KIRREL3: variants seen among roughly 807,000 people sequenced by gnomAD.
KIRREL3 encodes the protein kin of IRRE-like protein 3.
Under a neutral mutation model 89.7 loss-of-function variants are expected in KIRREL3, and 36 were observed. The observed-to-expected ratio is 0.40, with a 90% confidence interval of 0.31 to 0.53. The LOEUF is 0.53. Among genes scored for constraint, KIRREL3 ranks in the 20% least tolerant of loss-of-function variants. KIRREL3 has a pLI of 0.49. For missense variants in KIRREL3, 864 were observed against 1,056.6 expected, an observed-to-expected ratio of 0.82 and a Z score of 2.53; for synonymous variants, 445 against 441.4, an observed-to-expected ratio of 1.01 and a Z score of -0.10.
In KIRREL3 at chr11:126,923,146, CT is replaced by C. The variant is rs1287564797; in HGVS notation, c.55+77308del. Among the ~76,000 whole-genome samples the C allele has an allele frequency of 4.3e-4, 7 of 16,134 alleles. 1 individual carries two copies. Among genetic ancestry groups the C allele is most frequent in the Admixed American group, 1.5e-3 (2 of 1,306 alleles). 10.6% of individuals were successfully genotyped at this position (16,134 alleles called of 152,430 possible). ...TCCTTCTTCTCTTCTTCTTCTTCTT[CT>C]TCTTCTTCTTCTTCTTCTTCTTCTT... is the stretch of plus-strand genomic sequence containing the variant. On this transcript the variant is annotated intron_variant, in intron 1 of 16. Transcript: ENST00000525144.
intron 7 of KIRREL3, among the ~76,000 whole-genome samples, chr11:126,451,173 A>G (rs1411235553): frequency 1.6e-5 from 2 of 127,122 alleles, no homozygotes; most frequent in African/African-American, 3.1e-5. Flanking sequence ...GTGAATGTGT[A>G]CATGTGTGAA....
At chr11:126,586,437 CCT>C (rs1452579463) in intron 1 of KIRREL3, among the ~76,000 whole-genome samples, 2 of 151,958 alleles carry the variant, frequency 1.3e-5, no homozygotes, top group Non-Finnish European at 2.9e-5. Context: ...GGTCTCGTGG[CCT>C]CTCTACTCAC....
chr11:126,509,199 C>T (rs568135664), intron 4 of KIRREL3, among the ~76,000 whole-genome samples: 16 of 152,308 alleles, frequency 1.1e-4, no homozygotes, highest in African/African-American at 1.7e-4. Flanking sequence ...CGTTTCTCAT[C>T]ATTTCATGGG....
At chr11:126,580,026 T>A (rs1941462060) in intron 1 of KIRREL3, among the ~76,000 whole-genome samples, 1 of 152,086 alleles carries the variant, frequency 6.6e-6, no homozygotes, top group Non-Finnish European at 1.5e-5. Flanking sequence ...TTTGTATTTT[T>A]AGTAGAGACG....
Position 126,824,137 on chromosome 11 carries a change from G to T in KIRREL3, c.55+176318C>A, listed in dbSNP as rs547913756. 2.0e-5 allele frequency among the ~76,000 whole-genome samples: 3 copies of T among 152,280 alleles called. No homozygotes were observed. The East Asian group carries it at 5.8e-4, about 29-fold the overall frequency. On this transcript the variant is annotated intron_variant, in intron 1 of 16. Transcript: ENST00000525144. ...TTGGTTCAGCGTGGCTCGCCCATGG[G>T]GACAGGGCTGGAAATGGAAGCACAG...
intron 1 of KIRREL3, among the ~76,000 whole-genome samples, chr11:126,785,982 T>C (rs1267853269): frequency 1.3e-5 from 2 of 148,632 alleles, no homozygotes; most frequent in Non-Finnish European, 3.0e-5. Flanking sequence ...AAAATGTACA[T>C]GCCCTCTGGT....
chr11:126,501,679 A>T lies in KIRREL3; in HGVS notation c.433+19636T>A, dbSNP rs954513806. ...CAATTAATTTGTCCAAATTCCACTC[A>T]TGCTTTCAAACTCACTTAAACCCTC... On this transcript the variant is annotated intron_variant, in intron 4 of 16. Transcript: ENST00000525144. The surrounding 1 kb of genome is among the most constrained non-coding windows in gnomAD (Gnocchi z 5.8). Among the ~76,000 whole-genome samples the T allele has an allele frequency of 6.6e-6, 1 of 152,140 alleles. No homozygotes were observed. The highest frequency in any genetic ancestry group is 1.5e-5 in the Non-Finnish European group (1 of 68,030).
At chr11:126,437,765 C>A (rs1428137296) in intron 11 of KIRREL3, among the ~76,000 whole-genome samples, 1 of 152,038 alleles carries the variant, frequency 6.6e-6, no homozygotes, top group Non-Finnish European at 1.5e-5. Flanking sequence ...CCATATGCCA[C>A]AATACAACAC....
In KIRREL3 at chr11:126,627,672, C is replaced by T. The variant is rs181403998; in HGVS notation, c.56-64760G>A. Among the ~76,000 whole-genome samples, 227 of 152,318 alleles carry T rather than the reference C, an allele frequency of 1.5e-3. 2 individuals carry two copies. The highest frequency in any genetic ancestry group is 1.9e-3 in the Non-Finnish European group (131 of 68,032). ...TCAAGCAGCTGTCACTGGGACCCTG[C>T]GTGGGGCCTGCTGCCTCATTAGCTC... On this transcript the variant is annotated intron_variant, in intron 1 of 16. Coordinates refer to ENST00000525144, the MANE Select transcript of KIRREL3 (RefSeq NM_032531.4). This position sits in a 1 kb window ranked among gnomAD's most constrained non-coding sequence, Gnocchi z 5.0.
At chr11:126,572,533 A>T (rs1338972283) in intron 1 of KIRREL3, among the ~76,000 whole-genome samples, 1 of 151,164 alleles carries the variant, frequency 6.6e-6, no homozygotes, top group Non-Finnish European at 1.5e-5. Flanking sequence ...TCATGCACAC[A>T]GCCCAGCTGA....
rs77714906 is a variant in KIRREL3, at chr11:126,898,390, A to C, written c.55+102065T>G. Among the ~76,000 whole-genome samples the C allele has an allele frequency of 6.4e-4, 97 of 152,342 alleles. No homozygotes were observed. Among genetic ancestry groups the C allele is most frequent in the African/African-American group, 2.2e-3 (93 of 41,578 alleles). Reference sequence around the variant, plus strand: ...TGAAATTGTGCATGCATATATCCTAAGGCACATAAGTAAGTATTGTGTGGT... The same window carrying C: ...TGAAATTGTGCATGCATATATCCTACGGCACATAAGTAAGTATTGTGTGGT... On this transcript the variant is annotated intron_variant, in intron 1 of 16. Coordinates refer to ENST00000525144, the MANE Select transcript of KIRREL3 (RefSeq NM_032531.4). This position sits in a 1 kb window ranked among gnomAD's most constrained non-coding sequence, Gnocchi z 4.9.
At chr11:126,633,207 C>T (rs1788960) in intron 1 of KIRREL3, among the ~76,000 whole-genome samples, 70,271 of 151,940 alleles carry the variant, frequency 0.46, 16,592 homozygotes, top group South Asian at 0.56. Context: ...GATTTCCCAA[C>T]ACACACCGGG....
rs141825363 is a variant in KIRREL3, at chr11:126,994,196, CGT to C, written c.55+6257_55+6258del. Among the ~76,000 whole-genome samples, 1 of 151,302 alleles carries C rather than the reference CGT, an allele frequency of 6.6e-6. No homozygotes were observed. On this transcript the variant is annotated intron_variant, in intron 1 of 16. Coordinates refer to ENST00000525144, the MANE Select transcript of KIRREL3 (RefSeq NM_032531.4). This position sits in a 1 kb window ranked among gnomAD's most constrained non-coding sequence, Gnocchi z 5.2. ...CTGATTTAACATTAAGTGGTGTGTG[CGT>C]GTGTGTGTGTGTATGTGTTCAGTAG... is the stretch of plus-strand genomic sequence containing the variant.
chr11:126,713,408 T>C (rs1947837453), intron 1 of KIRREL3, among the ~76,000 whole-genome samples: 1 of 152,186 alleles, frequency 6.6e-6, no homozygotes, highest in Admixed American at 6.5e-5. Context: ...GTGAAGCGCC[T>C]TTTATGCCAT....
At position 126,747,476 on chromosome 11, in the gene KIRREL3, G is replaced by C. The variant is rs558205572; in HGVS notation, c.56-184564C>G. Among the ~76,000 whole-genome samples the C allele has an allele frequency of 6.6e-6, 1 of 151,896 alleles. No individual in the cohort carries two copies. Among genetic ancestry groups the C allele is most frequent in the South Asian group, 2.1e-4 (1 of 4,792 alleles). ...TCATGCAACCTCATCGCCACTACCT[G>C]GGACTGTCTTTCCTTAATTAGAAAA... On this transcript the variant is annotated intron_variant, in intron 1 of 16. Coordinates refer to ENST00000525144, the MANE Select transcript of KIRREL3 (RefSeq NM_032531.4). The surrounding 1 kb of genome is among the most constrained non-coding windows in gnomAD (Gnocchi z 4.7).
Position 126,423,561 on chromosome 11 carries a change from CT to C in KIRREL3, c.*1018del, listed in dbSNP as rs1400779821. The C allele has an allele frequency of 6.6e-6, 1 of 151,844 alleles. No homozygotes were observed. Among genetic ancestry groups the C allele is most frequent in the Non-Finnish European group, 1.5e-5 (1 of 67,926 alleles). 9.4% of individuals were successfully genotyped at this position (151,844 alleles called of 1,614,324 possible). On this transcript the variant is annotated 3_prime_UTR_variant, in exon 17 of 17. Coordinates refer to ENST00000525144, the MANE Select transcript of KIRREL3 (RefSeq NM_032531.4). ...GAGGGTTGAGGTGTAGATATACTTC[CT>C]CTCTTCTCGTGGAGCCTTACTGAAG...
At position 126,901,182 on chromosome 11, in the gene KIRREL3, T is replaced by C. The variant is rs887332060; in HGVS notation, c.55+99273A>G. The stretch of plus-strand genomic sequence containing the variant: ...TGAGCTGAGATCGCACCATTGCATT[T>C]CAGCCTGGGTAACAGAGCGAGATTC... On this transcript the variant is annotated intron_variant, in intron 1 of 16. Coordinates refer to ENST00000525144, the MANE Select transcript of KIRREL3 (RefSeq NM_032531.4). 5.0e-5 allele frequency among the ~76,000 whole-genome samples: 7 copies of C among 139,622 alleles called. No individual in the cohort carries two copies. In the East Asian group the frequency reaches 1.5e-3, roughly 31 times the overall value. 91.6% of individuals were successfully genotyped at this position (139,622 alleles called of 152,430 possible).
At position 126,484,813 on chromosome 11, in the gene KIRREL3, ATTTTTT is replaced by A. The variant is rs200054144; in HGVS notation, c.434-11353_434-11348del. ...AGATGTGGGGCAAGATGCAAATGGG[ATTTTTT>A]TTTTTTTTTTTCTGAGACGGAGTCT... On this transcript the variant is annotated intron_variant, in intron 4 of 16. Transcript: ENST00000525144. The surrounding 1 kb of genome is among the most constrained non-coding windows in gnomAD (Gnocchi z 5.2). Among the ~76,000 whole-genome samples the A allele has an allele frequency of 7.2e-6, 1 of 139,710 alleles. No individual in the cohort carries two copies. The highest frequency in any genetic ancestry group is 2.6e-5 in the African/African-American group (1 of 37,844). 91.7% of individuals were successfully genotyped at this position (139,710 alleles called of 152,430 possible). A position where few individuals can be genotyped will look rare whatever the true frequency, so the allele number is the denominator to read the frequency against.
intron 1 of KIRREL3, among the ~76,000 whole-genome samples, chr11:126,810,734 C>T (rs912510345): frequency 7.2e-5 from 11 of 152,260 alleles, no homozygotes; most frequent in Non-Finnish European, 1.5e-5. Context: ...ATAAAATGGG[C>T]ATCTGTTTGG....
Sources: gnomAD v4.1 joint callset for allele counts (sites outside exome capture counted in the v4.1 genomes callset) on GRCh38, gnomAD v4.1.1 for gene constraint, Gnocchi (gnomAD v3.1) non-coding constraint, MANE v1.5 for transcripts, NCBI Gene and HGNC (gene_info 2026-07-23, HGNC 2026-07-21) for gene names.